Variants in MAP3K21 observed in about 807,000 individuals in gnomAD.
The protein encoded by MAP3K21 is mitogen-activated protein kinase kinase kinase 21, also known as mitogen-activated protein kinase kinase kinase MLK4.
In MAP3K21, 63 loss-of-function variants were observed where a neutral mutation model predicts 86.1. That is an observed-to-expected ratio of 0.73 (90% CI 0.60 to 0.90). MAP3K21 has a LOEUF of 0.90. Ranked by LOEUF, MAP3K21 falls within the 40% of genes least tolerant of loss-of-function variation. The probability of loss-of-function intolerance (pLI) is 0.00; values close to 1 mark genes in which losing one functional copy is unlikely to be tolerated. For missense variants in MAP3K21, 1,220 were observed against 1,367.7 expected (o/e 0.89, Z 1.70); for synonymous variants, 558 against 564.8 (o/e 0.99, Z 0.17).
chr1:233,353,371 C>T (rs1234913467), intron 2 of MAP3K21, among the ~76,000 whole-genome samples: 1 of 152,126 alleles, frequency 6.6e-6, no homozygotes, highest in African/African-American at 2.4e-5. Context: ...AGCCCTGTGG[C>T]ATGCACCATG....
chr1:233,329,671 C>T (rs1391536396), intron 1 of MAP3K21, among the ~76,000 whole-genome samples: 1 of 151,880 alleles, frequency 6.6e-6, no homozygotes, highest in Non-Finnish European at 1.5e-5. Flanking sequence ...AAAAAAGTGT[C>T]TCTACGTGAA....
rs145292100 is a variant in MAP3K21 at position 233,366,651 on chromosome 1, A to T, written c.1552+4358A>T. Among the ~76,000 whole-genome samples, 498 of 152,326 alleles carry T rather than the reference A, an allele frequency of 3.3e-3. 2 individuals carry two copies. The highest frequency in any genetic ancestry group is 0.012 in the African/African-American group (479 of 41,572). On this transcript the variant is annotated intron_variant, in intron 5 of 9. Coordinates refer to ENST00000366624, the MANE Select transcript of MAP3K21 (RefSeq NM_032435.3). Reference sequence around the variant, plus strand: ...TTCCCTATGCATAATAAGCTTAGAGAATTTCTCCGAAACATATTCTAGAGT... The same window carrying T: ...TTCCCTATGCATAATAAGCTTAGAGTATTTCTCCGAAACATATTCTAGAGT...
At chr1:233,340,413 G>T (rs1294268) in intron 1 of MAP3K21, among the ~76,000 whole-genome samples, 57,459 of 152,086 alleles carry the variant, frequency 0.38, 11,742 homozygotes, top group East Asian at 0.49. Context: ...AGGCAATGCT[G>T]TAGATTTTAG....
At chr1:233,367,174 C>T (rs1003409652) in intron 5 of MAP3K21, among the ~76,000 whole-genome samples, 1 of 152,176 alleles carries the variant, frequency 6.6e-6, no homozygotes, top group African/African-American at 2.4e-5. Context: ...ACTTTGATTG[C>T]TTCAGAAGTG....
chr1:233,371,394 T>C (rs772946112), intron 5 of MAP3K21, among the ~76,000 whole-genome samples: 14 of 152,204 alleles, frequency 9.2e-5, no homozygotes, highest in Admixed American at 2.0e-4. Flanking sequence ...AGAGTCTCAC[T>C]CTGTTGCCCA....
At chr1:233,359,030 C>G (rs1299989253) in intron 4 of MAP3K21, among the ~76,000 whole-genome samples, 1 of 152,080 alleles carries the variant, frequency 6.6e-6, no homozygotes, top group Non-Finnish European at 1.5e-5. Flanking sequence ...CCAGGCTGGT[C>G]TCAAACTCCA....
rs563076356 is a variant in MAP3K21 at position 233,379,593 on chromosome 1, A to G, written c.2587A>G (p.Arg863Gly). Residue 863 changes from arginine (R) to glycine (G), a missense_variant, in exon 9 of 10, where the codon AGA becomes GGA. Coordinates refer to ENST00000366624, the MANE Select transcript of MAP3K21 (RefSeq NM_032435.3). ...ACTTGACACTGATTGTAGTGTATCA[A>G]GAAACTTGCCGTCTTCCTTCCTACA... is the stretch of plus-strand genomic sequence containing the variant. ...PRLDTDCSVS[R>G]NLPSSFLQQT... 3.4e-5 allele frequency: 55 copies of G among 1,614,232 alleles called. No individual in the cohort carries two copies. The South Asian group carries it at 5.5e-4, about 16-fold the overall frequency.
At position 233,354,063 on chromosome 1, in the gene MAP3K21, C is replaced by T. The variant is rs962024300; in HGVS notation, c.1135+108C>T. The T allele has an allele frequency of 2.1e-5, 26 of 1,225,126 alleles. No homozygotes were observed. The East Asian group carries it at 5.9e-4, about 28-fold the overall frequency. The allele number at this position is 1,225,126 out of a possible 1,614,324, so 75.9% of individuals were successfully genotyped here. The stretch of plus-strand genomic sequence containing the variant: ...TTTCTGTGACTCTAATTTCCAAGTA[C>T]TTTTAAGTAACCCTAGTATTTTAAG... On this transcript the variant is annotated intron_variant, in intron 3 of 9. Coordinates refer to ENST00000366624, the MANE Select transcript of MAP3K21 (RefSeq NM_032435.3).
At chr1:233,372,810 G>A (rs534572835) in intron 6 of MAP3K21, 1 of 152,276 alleles carries the variant, frequency 6.6e-6, no homozygotes, top group African/African-American at 2.4e-5. Flanking sequence ...CCTAAAAGTA[G>A]GCTAAGCGAA....
At chr1:233,371,893 G>T in intron 5 of MAP3K21, 145 bp from the exon 6 acceptor site, 1 of 762,330 alleles carries the variant, frequency 1.3e-6, no homozygotes, top group Non-Finnish European at 2.1e-6. Context: ...CGAGAAGTAA[G>T]AAACCAAAAT....
At chr1:233,334,112 G>A (rs1662867594) in intron 1 of MAP3K21, among the ~76,000 whole-genome samples, 1 of 151,032 alleles carries the variant, frequency 6.6e-6, no homozygotes, top group Non-Finnish European at 1.5e-5. Context: ...TGATCCGTCC[G>A]CCTCGGCCGC....
Position 233,375,950 on chromosome 1 carries a change from G to T in MAP3K21, c.1710G>T (p.Arg570Ser). The change falls in exon 7 of 10, where the codon AGG becomes AGT. Residue 570 changes from arginine to serine, a missense_variant. Physicochemically the swap from Arg to Ser is moderately radical, Grantham distance 110 (BLOSUM62 -1). Transcript: ENST00000366624. ...ATGAAAGCAATAAAACTTGGGGAAGGAACACAGTCTTTCGACAAGAAGAAT... is the reference window on the plus strand; with the variant it reads ...ATGAAAGCAATAAAACTTGGGGAAGTAACACAGTCTTTCGACAAGAAGAAT... ...TSDESNKTWGRNTVFRQEEFE... is the reference protein window; with the variant it reads ...TSDESNKTWGSNTVFRQEEFE... 1 of 1,612,232 alleles carries T rather than the reference G, an allele frequency of 6.2e-7. No homozygotes were observed. Among genetic ancestry groups the T allele is most frequent in the South Asian group, 1.1e-5 (1 of 90,570 alleles).
intron 1 of MAP3K21, among the ~76,000 whole-genome samples, chr1:233,345,358 T>C (rs901746510): frequency 6.6e-6 from 1 of 152,004 alleles, no homozygotes; most frequent in African/African-American, 2.4e-5. Context: ...ATAGAATGGA[T>C]TAAGAAAGTG....
chr1:233,382,069 C>T (rs1172580556), intron 9 of MAP3K21, among the ~76,000 whole-genome samples: 1 of 152,144 alleles, frequency 6.6e-6, no homozygotes, highest in African/African-American at 2.4e-5. Context: ...GGTGTGGTGG[C>T]ACATGCCTGT....
intron 6 of MAP3K21, among the ~76,000 whole-genome samples, chr1:233,374,469 C>T (rs10910143): frequency 0.22 from 33,563 of 151,988 alleles, 3,860 homozygotes; most frequent in East Asian, 0.3. Flanking sequence ...CCATCGCACC[C>T]GGCCTAAGCA....
In MAP3K21 at chr1:233,353,871, G is replaced by A. The variant is rs770498631; in HGVS notation, c.1051G>A (p.Ala351Thr). ...CCCCTATCGGGGCATTGATGGCCTC[G>A]CCGTGGCTTATGGGGTAGCAGTCAA... Reference protein sequence around the residue: ...EVPYRGIDGLAVAYGVAVNKL... With the variant: ...EVPYRGIDGLTVAYGVAVNKL... Residue 351 changes from alanine (A) to threonine (T), a missense_variant, in exon 3 of 10, where the codon GCC (alanine) becomes ACC (threonine). Coordinates refer to ENST00000366624, the MANE Select transcript of MAP3K21 (RefSeq NM_032435.3). 1.4e-5 allele frequency: 22 copies of A among 1,613,248 alleles called. No individual in the cohort carries two copies. Among genetic ancestry groups the A allele is most frequent in the South Asian group, 8.8e-5 (8 of 90,970 alleles).
chr1:233,328,595 G>C lies in MAP3K21; in HGVS notation c.567G>C (p.Val189=), dbSNP rs1025809575. The change falls in exon 1 of 10, where the codon GTG becomes GTC. Residue 189 remains valine, a synonymous_variant. Transcript: ENST00000366624. The surrounding 1 kb of genome is among the most constrained non-coding windows in gnomAD (Gnocchi z 8.7). The stretch of plus-strand genomic sequence containing the variant: ...CCAACATCATCGAGCTGCGCGGCGT[G>C]TGCCTGCAGCAGCCGCACCTCTGCC... ...RHPNIIELRG[V]CLQQPHLCLV... 58 of 1,514,138 alleles carry C rather than the reference G, an allele frequency of 3.8e-5. No individual in the cohort carries two copies. Among genetic ancestry groups the C allele is most frequent in the Non-Finnish European group, 4.9e-5 (56 of 1,140,704 alleles). 93.8% of individuals were successfully genotyped at this position (1,514,138 alleles called of 1,614,324 possible).
At chr1:233,351,629 G>A (rs1353926596) in intron 2 of MAP3K21, among the ~76,000 whole-genome samples, 4 of 151,882 alleles carry the variant, frequency 2.6e-5, no homozygotes, top group Admixed American at 6.6e-5. Flanking sequence ...AGGAGGTGGC[G>A]GAGGTTGCAG....
At chr1:233,332,322 G>A (rs1662820449) in intron 1 of MAP3K21, among the ~76,000 whole-genome samples, 1 of 152,058 alleles carries the variant, frequency 6.6e-6, no homozygotes, top group Admixed American at 6.5e-5. Context: ...TGGAGGATGG[G>A]GGTGCTGTTT....
Sources: gnomAD v4.1 joint callset for allele counts (sites outside exome capture counted in the v4.1 genomes callset) on GRCh38, gnomAD v4.1.1 for gene constraint, Gnocchi (gnomAD v3.1) non-coding constraint, MANE v1.5 for transcripts, NCBI Gene and HGNC (gene_info 2026-07-23, HGNC 2026-07-21) for gene names.